The following PDSS2 variants were observed in gnomAD, a reference collection of about 807,000 sequenced individuals.
The protein encoded by PDSS2 is decaprenyl diphosphate synthase subunit 2, also known as all trans-polyprenyl-diphosphate synthase PDSS2.
PDSS2 carries 31 observed loss-of-function variants against 44.5 expected under a neutral mutation model. That is an observed-to-expected ratio of 0.70 (90% CI 0.52 to 0.94). The LOEUF is 0.94. PDSS2 is among the 40% of genes least tolerant of loss of function. The pLI is 0.00. For missense variants in PDSS2, 452 were observed against 482.2 expected, an observed-to-expected ratio of 0.94 and a Z score of 0.59; for synonymous variants, 157 against 180.3, an observed-to-expected ratio of 0.87 and a Z score of 1.03.
chr6:107,395,122 A>G (rs1041779610), intron 1 of PDSS2, among the ~76,000 whole-genome samples: 2 of 151,940 alleles, frequency 1.3e-5, no homozygotes, highest in African/African-American at 2.4e-5. Flanking sequence ...TCATTCTCTT[A>G]TCTTCTGACT....
chr6:107,268,590 T>A (rs948730202), intron 3 of PDSS2, among the ~76,000 whole-genome samples: 6 of 152,218 alleles, frequency 3.9e-5, no homozygotes, highest in Non-Finnish European at 1.5e-5. Context: ...ATTATTGATG[T>A]ATATCTACAT....
chr6:107,403,312 C>A (rs549533220), intron 1 of PDSS2, among the ~76,000 whole-genome samples: 1 of 152,220 alleles, frequency 6.6e-6, no homozygotes, highest in Non-Finnish European at 1.5e-5. Flanking sequence ...GGTAGGCTCC[C>A]ACCGTCTTGG....
intron 3 of PDSS2, among the ~76,000 whole-genome samples, chr6:107,255,141 C>A (rs1026211429): frequency 6.6e-6 from 1 of 151,644 alleles, no homozygotes; most frequent in Non-Finnish European, 1.5e-5. Flanking sequence ...CCGTGAGCTA[C>A]CACGCCTGGC....
At chr6:107,415,048 T>C (rs1196768566) in intron 1 of PDSS2, among the ~76,000 whole-genome samples, 1 of 152,134 alleles carries the variant, frequency 6.6e-6, no homozygotes, top group Non-Finnish European at 1.5e-5. Flanking sequence ...GGTGATATTA[T>C]TATATCACAA....
At chr6:107,297,562 A>AAAATACAAAAT in intron 2 of PDSS2, among the ~76,000 whole-genome samples, 1 of 150,764 alleles carries the variant, frequency 6.6e-6, no homozygotes, top group Non-Finnish European at 1.5e-5. Flanking sequence ...TTTGTATTTT[A>AAAATACAAAAT]GTAGAGACTG....
intron 1 of PDSS2, among the ~76,000 whole-genome samples, chr6:107,434,641 T>C (rs919357779): frequency 1.3e-5 from 2 of 152,164 alleles, no homozygotes; most frequent in Admixed American, 6.5e-5. Flanking sequence ...GGTTAATGAG[T>C]ACAAAAATAT....
At chr6:107,345,858 CG>C (rs1778226879) in intron 1 of PDSS2, among the ~76,000 whole-genome samples, 1 of 152,076 alleles carries the variant, frequency 6.6e-6, no homozygotes. Context: ...ATGAGGAAAT[CG>C]GAAGTGACAG....
intron 3 of PDSS2, among the ~76,000 whole-genome samples, chr6:107,268,872 T>G (rs1205054004): frequency 1.3e-5 from 2 of 152,182 alleles, no homozygotes; most frequent in Non-Finnish European, 2.9e-5. Context: ...AGTATAAATA[T>G]TTCAGCCCAA....
intron 1 of PDSS2, among the ~76,000 whole-genome samples, chr6:107,456,699 G>A (rs544029126): frequency 2.0e-5 from 3 of 152,092 alleles, no homozygotes; most frequent in South Asian, 4.2e-4. Flanking sequence ...GCATCCCCAC[G>A]CCCAACTAAT....
chr6:107,198,235 A>G (rs1347911384), intron 6 of PDSS2, among the ~76,000 whole-genome samples: 3 of 152,190 alleles, frequency 2.0e-5, no homozygotes, highest in Non-Finnish European at 4.4e-5. Flanking sequence ...GTCACCCAGT[A>G]GGGACACATT....
chr6:107,226,668 A>ATTTT lies in PDSS2; in HGVS notation c.703-14390_703-14387dup, dbSNP rs61088823. 6.0e-5 allele frequency among the ~76,000 whole-genome samples: 8 copies of ATTTT among 132,238 alleles called. 1 individual carries two copies. Among genetic ancestry groups the ATTTT allele is most frequent in the African/African-American group, 8.4e-5 (3 of 35,758 alleles). 86.8% of individuals were successfully genotyped at this position (132,238 alleles called of 152,430 possible). ...TTTGGGTCACTTTCAGGATTTTGGA[A>ATTTT]TTTTTTTTTTTTTTTTTTTGAGATG... On this transcript the variant is annotated intron_variant, in intron 4 of 7. Transcript: ENST00000369037.
chr6:107,380,319 T>C (rs1244776265), intron 1 of PDSS2, among the ~76,000 whole-genome samples: 1 of 152,196 alleles, frequency 6.6e-6, no homozygotes, highest in African/African-American at 2.4e-5. Flanking sequence ...TAAATCTCAG[T>C]ATTGTTAGTG....
intron 1 of PDSS2, among the ~76,000 whole-genome samples, chr6:107,431,134 G>C (rs940689128): frequency 6.6e-6 from 1 of 152,202 alleles, no homozygotes; most frequent in South Asian, 2.1e-4. Context: ...TAGTTAACTT[G>C]CTCAAATAGC....
At chr6:107,162,219 C>T (rs782052825) in intron 7 of PDSS2, among the ~76,000 whole-genome samples, 2 of 152,126 alleles carry the variant, frequency 1.3e-5, no homozygotes, top group South Asian at 4.1e-4. Context: ...AATTCCCGGC[C>T]GGGCGCAGTG....
At chr6:107,346,645 T>C (rs1365247835) in intron 1 of PDSS2, among the ~76,000 whole-genome samples, 2 of 152,176 alleles carry the variant, frequency 1.3e-5, no homozygotes, top group African/African-American at 4.8e-5. Flanking sequence ...TTAATGTATA[T>C]CCAATAAGCG....
intron 1 of PDSS2, among the ~76,000 whole-genome samples, chr6:107,398,972 T>G (rs995406058): frequency 1.3e-5 from 2 of 152,228 alleles, no homozygotes; most frequent in Non-Finnish European, 2.9e-5. Flanking sequence ...ATTCATATTC[T>G]ACACAGGAAA....
In PDSS2 at chr6:107,248,524, A is replaced by C. The variant is rs866074029; in HGVS notation, c.631-2905T>G. 3.4e-4 allele frequency among the ~76,000 whole-genome samples: 52 copies of C among 151,566 alleles called. 2 individuals are homozygous for C. On this transcript the variant is annotated intron_variant, in intron 3 of 7. Transcript: ENST00000369037. ...ACAGATTAGGGAACTGTTAAAAAAA[A>C]AAAAAAAAAAAAAGCAGAATACTAG... is the stretch of plus-strand genomic sequence containing the variant.
intron 1 of PDSS2, among the ~76,000 whole-genome samples, chr6:107,396,678 CTTTTTTTTTTTTTTT>C (rs950671310): frequency 7.8e-4 from 62 of 79,334 alleles, no homozygotes; most frequent in Admixed American, 2.1e-3. Flanking sequence ...CTTCTTTTTT[CTTTTTTTTTTTTTTT>C]TTTTTTTGAG....
At chr6:107,227,055 T>C (rs543158221) in intron 4 of PDSS2, among the ~76,000 whole-genome samples, 15 of 135,788 alleles carry the variant, frequency 1.1e-4, no homozygotes, top group South Asian at 2.4e-4. Context: ...TCTTGGCTCA[T>C]TGCAATCTCC....
Sources: gnomAD v4.1 joint callset for allele counts (sites outside exome capture counted in the v4.1 genomes callset) on GRCh38, gnomAD v4.1.1 for gene constraint, MANE v1.5 for transcripts, NCBI Gene and HGNC (gene_info 2026-07-23, HGNC 2026-07-21) for gene names.